The following EMCN variants were observed in gnomAD, a reference collection of about 807,000 sequenced individuals.
The protein encoded by EMCN is MUC-14.
EMCN carries 37 observed loss-of-function variants against 38.4 expected under a neutral mutation model. The ratio of observed to expected loss-of-function variants is 0.96; its 90% CI spans 0.74 to 1.27. The LOEUF is 1.27. Ranked by LOEUF, EMCN falls within the 50% of genes most tolerant of loss-of-function variation. The pLI is 0.00. For synonymous variants in EMCN, 95 were observed against 100.8 expected, an observed-to-expected ratio of 0.94 and a Z score of 0.35; for missense variants, 318 against 302.8, an observed-to-expected ratio of 1.05 and a Z score of -0.37.
At chr4:100,475,964 G>A (rs1050753804) in intron 2 of EMCN, among the ~76,000 whole-genome samples, 2 of 148,306 alleles carry the variant, frequency 1.3e-5, no homozygotes, top group Admixed American at 1.3e-4. Context: ...GTGAGCCACT[G>A]TGCCCAGCCT....
intron 5 of EMCN, among the ~76,000 whole-genome samples, chr4:100,435,152 A>C (rs1401903459): frequency 6.6e-6 from 1 of 152,230 alleles, no homozygotes; most frequent in Non-Finnish European, 1.5e-5. Context: ...AAAGCTTCTT[A>C]AGCTGATAAG....
At chr4:100,409,480 C>T (rs1726489161) in intron 11 of EMCN, among the ~76,000 whole-genome samples, 1 of 152,182 alleles carries the variant, frequency 6.6e-6, no homozygotes, top group South Asian at 2.1e-4. Flanking sequence ...CTTGAGCTTA[C>T]TCCTGGTCAT....
rs1402884216 is a variant in EMCN at position 100,445,141 on chromosome 4, C to T, written c.415+2392G>A. On this transcript the variant is annotated intron_variant, in intron 5 of 11. Transcript: ENST00000296420. The stretch of plus-strand genomic sequence containing the variant: ...TCTGCTGCTGTTCTCCAGAGCTTTC[C>T]TTTAGTTATTTTGATCAAGATGTAG... Among the ~76,000 whole-genome samples, 5 of 152,172 alleles carry T rather than the reference C, an allele frequency of 3.3e-5. No individual in the cohort carries two copies. The East Asian group carries it at 9.6e-4, about 29-fold the overall frequency.
At chr4:100,456,004 A>G (rs1465483988) in intron 4 of EMCN, among the ~76,000 whole-genome samples, 1 of 152,108 alleles carries the variant, frequency 6.6e-6, no homozygotes, top group Admixed American at 6.6e-5. Flanking sequence ...CACGTTGTCC[A>G]GGCTGGTCTC....
At chr4:100,475,659 CTTTTTTTTTTTTTTTTT>C (rs869169290) in intron 2 of EMCN, among the ~76,000 whole-genome samples, 1 of 60,314 alleles carries the variant, frequency 1.7e-5, no homozygotes, top group African/African-American at 8.4e-5. Context: ...AATTCTAGTC[CTTTTTTTTTTTTTTTTT>C]TTTTTTTTTT....
At chr4:100,496,266 A>C (rs1338848283) in intron 1 of EMCN, among the ~76,000 whole-genome samples, 1 of 152,164 alleles carries the variant, frequency 6.6e-6, no homozygotes, top group Non-Finnish European at 1.5e-5. Flanking sequence ...AGATTGAAGT[A>C]AAATATATTT....
intron 1 of EMCN, 21 bp downstream of exon 1, chr4:100,517,830 A>G (rs747121534): frequency 6.2e-7 from 1 of 1,610,802 alleles, no homozygotes; most frequent in Non-Finnish European, 8.5e-7. Flanking sequence ...GTACCACCAG[A>G]GGAATAAGAG....
chr4:100,497,412 T>C (rs1729236420), intron 1 of EMCN, among the ~76,000 whole-genome samples: 1 of 151,934 alleles, frequency 6.6e-6, no homozygotes, highest in Non-Finnish European at 1.5e-5. Flanking sequence ...AGTCTCGCCC[T>C]GTCGCCCAGG....
At chr4:100,511,053 G>A (rs576848308) in intron 1 of EMCN, among the ~76,000 whole-genome samples, 1 of 152,300 alleles carries the variant, frequency 6.6e-6, no homozygotes, top group East Asian at 1.9e-4. Flanking sequence ...TGTCAGTTTA[G>A]AAGGCTGAAG....
At chr4:100,450,579 A>G (rs1329134153) in intron 4 of EMCN, among the ~76,000 whole-genome samples, 1 of 151,904 alleles carries the variant, frequency 6.6e-6, no homozygotes, top group Non-Finnish European at 1.5e-5. Context: ...ATTATGACCA[A>G]TTCAAATCCT....
intron 5 of EMCN, among the ~76,000 whole-genome samples, chr4:100,434,288 T>C (rs1727286626): frequency 6.7e-6 from 1 of 148,682 alleles, no homozygotes; most frequent in Non-Finnish European, 1.5e-5. Context: ...CCTGGACTCA[T>C]ACACCCTCCA....
chr4:100,495,916 G>T (rs955660793), intron 1 of EMCN, among the ~76,000 whole-genome samples: 1 of 151,924 alleles, frequency 6.6e-6, no homozygotes, highest in Non-Finnish European at 1.5e-5. Context: ...ATTTTAAATA[G>T]AATTACCATC....
chr4:100,465,426 T>C lies in EMCN; in HGVS notation c.373A>G (p.Lys125Glu), dbSNP rs764119637. 5 of 1,582,798 alleles carry C rather than the reference T, an allele frequency of 3.2e-6. No individual in the cohort carries two copies. In the South Asian group the frequency reaches 4.5e-5, roughly 14 times the overall value. The change falls in exon 4 of 12, where the codon AAG becomes GAG. Residue 125 changes from lysine to glutamate, a missense_variant. Lys to Glu is a moderately conservative substitution (Grantham distance 56). Transcript: ENST00000296420. ...CAGCACAAATCCTCATACTTACTCT[T>C]GGGTTTGGAACTTTGTAATGTTGAA... Reference protein sequence around the residue: ...AVSTLQSSKPKTETQSSIKTT... With the variant: ...AVSTLQSSKPETETQSSIKTT...
At chr4:100,437,460 T>TC (rs1553928205) in intron 5 of EMCN, among the ~76,000 whole-genome samples, 1 of 150,294 alleles carries the variant, frequency 6.7e-6, no homozygotes, top group African/African-American at 2.4e-5. Flanking sequence ...TGGTCTGATA[T>TC]AAAAAAAAAA....
intron 1 of EMCN, among the ~76,000 whole-genome samples, chr4:100,501,333 C>A (rs1729345155): frequency 6.6e-6 from 1 of 152,118 alleles, no homozygotes; most frequent in Non-Finnish European, 1.5e-5. Context: ...GTTATACCAT[C>A]TTTGTTTTAT....
chr4:100,485,891 A>G (rs536056638), intron 1 of EMCN, among the ~76,000 whole-genome samples: 9 of 152,122 alleles, frequency 5.9e-5, no homozygotes, highest in Non-Finnish European at 1.0e-4. Flanking sequence ...CCTTCCTCCA[A>G]AAATTGTAAG....
intron 3 of EMCN, among the ~76,000 whole-genome samples, chr4:100,467,660 C>A (rs922242454): frequency 8.2e-6 from 1 of 122,676 alleles, no homozygotes. Context: ...CCAGCTTGGG[C>A]GAAAGAGTGA....
chr4:100,492,800 C>T (rs574197267), intron 1 of EMCN, among the ~76,000 whole-genome samples: 1 of 152,012 alleles, frequency 6.6e-6, no homozygotes, highest in Non-Finnish European at 1.5e-5. Context: ...TAATTTATTA[C>T]CAGAAAAAAA....
At chr4:100,416,139 G>T (rs997924310) in intron 9 of EMCN, among the ~76,000 whole-genome samples, 180 bp from the exon 10 acceptor site, 2 of 150,720 alleles carry the variant, frequency 1.3e-5, no homozygotes, top group Non-Finnish European at 2.9e-5. Flanking sequence ...TATCTCCATG[G>T]CAAGAACTTT....
Sources: gnomAD v4.1 joint callset for allele counts (sites outside exome capture counted in the v4.1 genomes callset) on GRCh38, gnomAD v4.1.1 for gene constraint, MANE v1.5 for transcripts, NCBI Gene and HGNC (gene_info 2026-07-23, HGNC 2026-07-21) for gene names.